GPHB5: variants seen among roughly 807,000 people sequenced by gnomAD.
GPHB5 encodes glycoprotein hormone beta-5.
In GPHB5, 7 loss-of-function variants were observed where a neutral mutation model predicts 10.1. The observed-to-expected ratio is 0.69, with a 90% CI of 0.39 to 1.30. The LOEUF (loss-of-function observed/expected upper bound fraction) is 1.30, where lower values mean the gene tolerates loss of function less well. Ranked by LOEUF, GPHB5 falls within the 50% of genes most tolerant of loss-of-function variation. The pLI is 0.01. For missense variants in GPHB5, 161 were observed against 169.8 expected (o/e 0.95, Z 0.29); for synonymous variants, 68 against 70.1 (o/e 0.97, Z 0.15).
chr14:63,313,343 C>T (rs1282397848), intron 2 of GPHB5, among the ~76,000 whole-genome samples: 3 of 152,172 alleles, frequency 2.0e-5, no homozygotes, highest in African/African-American at 7.2e-5. Flanking sequence ...GTGCTCCATG[C>T]ATAGTCAGCA....
At chr14:63,316,118 G>A (rs889088192) in intron 2 of GPHB5, among the ~76,000 whole-genome samples, 2 of 152,208 alleles carry the variant, frequency 1.3e-5, no homozygotes, top group Non-Finnish European at 2.9e-5. Flanking sequence ...AGTCTACTTA[G>A]CAAAACCCGA....
At position 63,317,709 on chromosome 14, in the gene GPHB5, C is replaced by T; in HGVS notation, c.141G>A (p.Lys47=). Residue 47 remains lysine, a synonymous_variant, in exon 2 of 3, where the codon AAG becomes AAA. Coordinates refer to ENST00000621500, the MANE Select transcript of GPHB5 (RefSeq NM_145171.4). The part of the protein sequence containing the change: ...AVREFTFLAK[K]PGCRGLRITT... ...TGATCCGAAGGCCCCTGCAGCCTGG[C>T]TTCTTGGCCAGGAAAGTAAACTCCC... 2 of 1,614,052 alleles carry T rather than the reference C, an allele frequency of 1.2e-6. No individual in the cohort carries two copies. The highest frequency in any genetic ancestry group is 1.7e-6 in the Non-Finnish European group (2 of 1,179,908).
chr14:63,317,616 C>T (rs1594787259), intron 2 of GPHB5, 30 bp downstream of exon 2: 3 of 1,607,302 alleles, frequency 1.9e-6, no homozygotes, highest in East Asian at 4.5e-5. Context: ...GCCTAGAAGA[C>T]ACTGTCATCT....
chr14:63,313,157 A>G (rs777430551), intron 2 of GPHB5, 41 bp from the exon 3 acceptor site: 3 of 1,454,246 alleles, frequency 2.1e-6, no homozygotes, highest in African/African-American at 2.8e-5. Flanking sequence ...ATTAGAACAT[A>G]TGATCTTGTT....
chr14:63,314,791 C>T (rs1414677411), intron 2 of GPHB5, among the ~76,000 whole-genome samples: 1 of 151,682 alleles, frequency 6.6e-6, no homozygotes, highest in African/African-American at 2.4e-5. Context: ...AGTACCTTTG[C>T]TTTTTGGTTC....
intron 2 of GPHB5, among the ~76,000 whole-genome samples, chr14:63,314,827 A>G (rs1882741057): frequency 6.7e-6 from 1 of 149,418 alleles, no homozygotes; most frequent in African/African-American, 2.5e-5. Context: ...AAAAAAGAAT[A>G]TATATACATA....
At chr14:63,313,149 T>C in intron 2 of GPHB5, 33 bp from the exon 3 acceptor site, 1 of 1,496,696 alleles carries the variant, frequency 6.7e-7, no homozygotes, top group Non-Finnish European at 9.1e-7. Context: ...GAGAATTCAT[T>C]AGAACATATG....
At chr14:63,317,624 T>A (rs1882792031) in intron 2 of GPHB5, 22 bp downstream of exon 2, 2 of 1,612,494 alleles carry the variant, frequency 1.2e-6, no homozygotes, top group South Asian at 1.1e-5. Flanking sequence ...GACACTGTCA[T>A]CTGCACAACT....
At chr14:63,314,887 CTTTTTTTTTTCTTTTTTCTTT>C (rs146092566) in intron 2 of GPHB5, among the ~76,000 whole-genome samples, 38,934 of 143,318 alleles carry the variant, frequency 0.27, 5,612 homozygotes, top group African/African-American at 0.4. Flanking sequence ...GCAGCCTTAC[CTTTTTTTTTTCTTTTTTCTTT>C]TTTTTTTTTT....
chr14:63,313,907 T>C (rs1397766525), intron 2 of GPHB5, among the ~76,000 whole-genome samples: 1 of 152,174 alleles, frequency 6.6e-6, no homozygotes, highest in South Asian at 2.1e-4. Flanking sequence ...CCACACGACG[T>C]AGTCTACCTT....
At chr14:63,313,184 A>G (rs372594947) in intron 2 of GPHB5, 68 bp from the exon 3 acceptor site, 20 of 1,270,096 alleles carry the variant, frequency 1.6e-5, no homozygotes, top group Non-Finnish European at 2.2e-6. Context: ...TTTTAGTATC[A>G]TTTATCACTA....
At chr14:63,314,905 C>CTTTTTTTTTTTTTTTTTT (rs71120257) in intron 2 of GPHB5, among the ~76,000 whole-genome samples, 2 of 75,348 alleles carry the variant, frequency 2.7e-5, no homozygotes, top group Non-Finnish European at 5.4e-5. Context: ...TTTCTTTTTT[C>CTTTTTTTTTTTTTTTTTT]TTTTTTTTTT....
At chr14:63,314,634 G>T (rs141952253) in intron 2 of GPHB5, among the ~76,000 whole-genome samples, 2 of 151,958 alleles carry the variant, frequency 1.3e-5, no homozygotes, top group African/African-American at 2.4e-5. Context: ...GGATGGTCTC[G>T]ATTTCCTGAC....
chr14:63,316,322 C>G (rs1882770510), intron 2 of GPHB5, among the ~76,000 whole-genome samples: 1 of 152,176 alleles, frequency 6.6e-6, no homozygotes, highest in African/African-American at 2.4e-5. Flanking sequence ...ATGGCAGTGT[C>G]CACTCACAGT....
intron 2 of GPHB5, among the ~76,000 whole-genome samples, chr14:63,313,809 C>T (rs1003616059): frequency 6.6e-6 from 1 of 152,178 alleles, no homozygotes; most frequent in Non-Finnish European, 1.5e-5. Flanking sequence ...CCTGACCATC[C>T]TATTTAAAAT....
intron 2 of GPHB5, among the ~76,000 whole-genome samples, chr14:63,316,878 A>G (rs1267324248): frequency 3.3e-5 from 5 of 152,186 alleles, no homozygotes; most frequent in African/African-American, 1.2e-4. Flanking sequence ...ATTGGTTACC[A>G]AGTGGGCAGG....
intron 2 of GPHB5, among the ~76,000 whole-genome samples, chr14:63,313,831 A>G (rs1010837592): frequency 3.3e-5 from 5 of 152,126 alleles, no homozygotes; most frequent in Admixed American, 2.0e-4. Flanking sequence ...GCAACATTCC[A>G]TCTCCATGCC....
chr14:63,312,931 G>A lies in GPHB5; in HGVS notation c.390C>T (p.Ile130=). 2 of 1,552,008 alleles carry A rather than the reference G, an allele frequency of 1.3e-6. No individual in the cohort carries two copies. The highest frequency in any genetic ancestry group is 1.7e-6 in the Non-Finnish European group (2 of 1,147,136). Reference sequence around the variant, plus strand: ...CTGCAGAGAGCAGCTAGCGGCCTCAGATGGTCTCACACTCCGTGGTGGCAG... The same window carrying A: ...CTGCAGAGAGCAGCTAGCGGCCTCAAATGGTCTCACACTCCGTGGTGGCAG... ...CSTATTECET[I] The change falls in exon 3 of 3, where the codon ATC becomes ATT. Residue 130 remains isoleucine, a synonymous_variant. Coordinates refer to ENST00000621500, the MANE Select transcript of GPHB5 (RefSeq NM_145171.4).
In GPHB5 at chr14:63,318,313, A is replaced by C. The variant is rs536891503; in HGVS notation, c.-1-463T>G. Among the ~76,000 whole-genome samples, 4 of 152,260 alleles carry C rather than the reference A, an allele frequency of 2.6e-5. No homozygotes were observed. The East Asian group carries it at 7.7e-4, about 29-fold the overall frequency. On this transcript the variant is annotated intron_variant, in intron 1 of 2. Transcript: ENST00000621500. ...CTATATTTTCAGTGTCATGATGGGG[A>C]ATGATTTGGAGGGGTTGATAAATAT...
Sources: allele counts gnomAD v4.1 joint callset (sites outside exome capture counted in the v4.1 genomes callset), GRCh38; gene constraint gnomAD v4.1.1; transcripts MANE v1.5; gene names NCBI Gene and HGNC (gene_info 2026-07-23, HGNC 2026-07-21).